Variants in TMEM134 observed in about 807,000 individuals in gnomAD.
TMEM134 encodes the protein transmembrane protein 134.
In TMEM134, 36 loss-of-function variants were observed where a neutral mutation model predicts 26.2. The observed-to-expected ratio is 1.37, with a 90% CI of 1.05 to 1.81. The LOEUF (loss-of-function observed/expected upper bound fraction) is 1.81, where lower values mean the gene tolerates loss of function less well. Ranked by LOEUF, TMEM134 falls within the 40% of genes most tolerant of loss-of-function variation. The pLI is 0.00. For missense variants in TMEM134, 339 were observed against 263.5 expected, an observed-to-expected ratio of 1.29 and a Z score of -1.98; for synonymous variants, 133 against 113.6, an observed-to-expected ratio of 1.17 and a Z score of -1.08.
rs767915421 is a variant in TMEM134 at position 67,467,295 on chromosome 11, C to T, written c.406+17G>A. The T allele has an allele frequency of 1.9e-6, 3 of 1,613,200 alleles. No individual in the cohort carries two copies. The highest frequency in any genetic ancestry group is 1.7e-5 in the Admixed American group (1 of 60,000). ...CCCACGGGGCCCCTCTTGACCCCAA[C>T]CCTCAGGGCCACTCACCCAGCCCCA... On this transcript the variant is annotated intron_variant, in intron 4 of 6. Transcript: ENST00000308022.
chr11:67,466,387 A>C (rs965397435), intron 4 of TMEM134: 5 of 152,270 alleles, frequency 3.3e-5, no homozygotes, highest in African/African-American at 1.2e-4. Context: ...ATAGGGTATG[A>C]TGGGGGCTGA....
chr11:67,467,607 C>G lies in TMEM134; in HGVS notation c.240-17G>C. 6 of 1,613,152 alleles carry G rather than the reference C, an allele frequency of 3.7e-6. No homozygotes were observed. Among genetic ancestry groups the G allele is most frequent in the Non-Finnish European group, 5.1e-6 (6 of 1,179,628 alleles). On this transcript the variant is annotated splice_polypyrimidine_tract_variant and intron_variant, in intron 2 of 6. Transcript: ENST00000308022. ...CTGGAATCCCTGCCAGGACAGGCGC[C>G]CAGTGAGGGGCAGGGAGGCAAGGAC... is the stretch of plus-strand genomic sequence containing the variant.
intron 6 of TMEM134, 47 bp downstream of exon 6, chr11:67,464,756 T>G: frequency 3.2e-6 from 5 of 1,539,230 alleles, no homozygotes; most frequent in Non-Finnish European, 4.4e-6. Flanking sequence ...CCGCCCCCAG[T>G]GCCGCCCCAC....
In TMEM134 at chr11:67,467,307, C is replaced by G; in HGVS notation, c.406+5G>C. ...CTCTTGACCCCAACCCTCAGGGCCA[C>G]TCACCCAGCCCCAGCAGCAGGAGCA... On this transcript the variant is annotated splice_donor_5th_base_variant and intron_variant, in intron 4 of 6. Transcript: ENST00000308022. 6.2e-7 allele frequency: 1 copy of G among 1,613,622 alleles called. No individual in the cohort carries two copies. Among genetic ancestry groups the G allele is most frequent in the Non-Finnish European group, 8.5e-7 (1 of 1,179,882 alleles).
intron 4 of TMEM134, chr11:67,465,372 A>C: frequency 2.4e-6 from 2 of 834,450 alleles, no homozygotes; most frequent in Non-Finnish European, 3.3e-6. Context: ...GGTACTGGGA[A>C]TTCCGCCCTG....
Position 67,464,703 on chromosome 11 carries a change from G to A in TMEM134, c.506-7C>T, listed in dbSNP as rs1865128840. 11 of 1,552,098 alleles carry A rather than the reference G, an allele frequency of 7.1e-6. No homozygotes were observed. Among genetic ancestry groups the A allele is most frequent in the Non-Finnish European group, 9.6e-6 (11 of 1,147,454 alleles). ...ATGAAGATCACGTGATAGACTGCGG[G>A]GCGGGGCCTGTCAGCGCAGAAGCCC... On this transcript the variant is annotated splice_region_variant and splice_polypyrimidine_tract_variant and intron_variant, in intron 6 of 6. Transcript: ENST00000308022.
Position 67,464,823 on chromosome 11 carries a change from A to G in TMEM134, c.485T>C (p.Phe162Ser). ...VSSAIFFVPG[F>S]LLLVPGVYHV... ...CGCACCTCCAGGCACCAACAACAGG[A>G]AGCCCGGCACGAAGAAGATGGCGCT... The change falls in exon 6 of 7, where the codon TTC (phenylalanine) becomes TCC (serine). Residue 162 changes from phenylalanine (F) to serine (S), a missense_variant. Coordinates refer to ENST00000308022, the MANE Select transcript of TMEM134 (RefSeq NM_025124.4). 6.2e-7 allele frequency: 1 copy of G among 1,609,926 alleles called. No homozygotes were observed. The highest frequency in any genetic ancestry group is 8.5e-7 in the Non-Finnish European group (1 of 1,179,330).
rs1865101342 is a variant in TMEM134 at position 67,464,346 on chromosome 11, A to C, written c.*268T>G. 2 of 544,320 alleles carry C rather than the reference A, an allele frequency of 3.7e-6. No homozygotes were observed. The highest frequency in any genetic ancestry group is 4.1e-5 in the South Asian group (2 of 49,114). 33.7% of individuals were successfully genotyped at this position (544,320 alleles called of 1,614,324 possible). A position where few individuals can be genotyped will look rare whatever the true frequency, so the allele number is the denominator to read the frequency against. On this transcript the variant is annotated 3_prime_UTR_variant, in exon 7 of 7. Coordinates refer to ENST00000308022, the MANE Select transcript of TMEM134 (RefSeq NM_025124.4). ...AGCAGTGGCAGGACAGGAGGAGAGC[A>C]ATTGCCTCTGGTGGAATTAATTACT...
chr11:67,465,652 G>C (rs1193437925), intron 4 of TMEM134, among the ~76,000 whole-genome samples: 1 of 152,188 alleles, frequency 6.6e-6, no homozygotes, highest in Non-Finnish European at 1.5e-5. Flanking sequence ...TGGGCCAGGT[G>C]TGGTGGCTCA....
intron 4 of TMEM134, chr11:67,466,192 C>T (rs934535478): frequency 6.6e-6 from 1 of 151,568 alleles, no homozygotes; most frequent in Non-Finnish European, 1.5e-5. Flanking sequence ...TAAAAAAATA[C>T]AAAAAATTAG....
At chr11:67,466,061 GACC>G (rs1865225867) in intron 4 of TMEM134, 1 of 152,178 alleles carries the variant, frequency 6.6e-6, no homozygotes, top group East Asian at 1.9e-4. Flanking sequence ...AACAGAACAA[GACC>G]CTGTCTCTAA....
At position 67,467,557 on chromosome 11, in the gene TMEM134, C is replaced by T. The variant is rs960161000; in HGVS notation, c.273G>A (p.Gln91=). The change falls in exon 3 of 7, where the codon CAG becomes CAA. Residue 91 remains glutamine (Q), a synonymous_variant. Transcript: ENST00000308022. ...TGCTGCTGATGGTGCTGAAGGACCA[C>T]TGGGAGCTGCGGATGGAAGTTCGGC... ...DSSRTSIRSS[Q]WSFSTISSST... is the part of the protein sequence containing the mutation. 6.2e-7 allele frequency: 1 copy of T among 1,614,086 alleles called. No homozygotes were observed. The highest frequency in any genetic ancestry group is 2.2e-5 in the East Asian group (1 of 44,886).
chr11:67,468,703 C>T (rs1865445809), intron 1 of TMEM134, among the ~76,000 whole-genome samples: 1 of 152,164 alleles, frequency 6.6e-6, no homozygotes, highest in Non-Finnish European at 1.5e-5. Context: ...TACAGAGGAG[C>T]TCCCCCAACC....
chr11:67,464,627 T>C lies in TMEM134; in HGVS notation c.575A>G (p.Tyr192Cys), dbSNP rs1283054528. The C allele has an allele frequency of 3.2e-6, 5 of 1,552,524 alleles. No homozygotes were observed. Among genetic ancestry groups the C allele is most frequent in the East Asian group, 4.9e-5 (2 of 41,032 alleles). ...HRGFQFFYLP[Y>C]FEK ...GCTGCGCCGCGATCACTTCTCGAAGTAGGGCAGGTAGAAGAACTGGAAGCC... is the reference window on the plus strand; with the variant it reads ...GCTGCGCCGCGATCACTTCTCGAAGCAGGGCAGGTAGAAGAACTGGAAGCC... Residue 192 changes from tyrosine (Y) to cysteine (C), a missense_variant, in exon 7 of 7, where the codon TAC (tyrosine) becomes TGC (cysteine). Tyr to Cys is a radical substitution (Grantham distance 194). Transcript: ENST00000308022.
chr11:67,467,645 G>A, intron 2 of TMEM134, 55 bp from the exon 3 acceptor site: 3 of 1,553,110 alleles, frequency 1.9e-6, no homozygotes, highest in Non-Finnish European at 1.8e-6. Context: ...GGTTGCTTTG[G>A]GACAGGAGTC....
rs1240091880 is a variant in TMEM134, at chr11:67,467,237, AGGCAGAGCCTGTACAAAAGGAG to A, written c.406+53_406+74del. 1.4e-4 allele frequency: 189 copies of A among 1,398,620 alleles called. 1 individual carries two copies. The highest frequency in any genetic ancestry group is 1.7e-4 in the Non-Finnish European group (168 of 996,220). 86.6% of individuals were successfully genotyped at this position (1,398,620 alleles called of 1,614,324 possible). On this transcript the variant is annotated intron_variant, in intron 4 of 6. Coordinates refer to ENST00000308022, the MANE Select transcript of TMEM134 (RefSeq NM_025124.4). ...GCTGGGAGGCTCAGTGTCAAGGGGG[AGGCAGAGCCTGTACAAAAGGAG>A]GGCAGAGCCTCCCACGGGGCCCCTC...
In TMEM134 at chr11:67,463,700, G is replaced by A. The variant is rs758584510; in HGVS notation, c.*914C>T. The A allele has an allele frequency of 2.0e-5, 3 of 152,098 alleles. No individual in the cohort carries two copies. The highest frequency in any genetic ancestry group is 4.4e-5 in the Non-Finnish European group (3 of 68,026). The allele number at this position is 152,098 out of a possible 1,614,324, so 9.4% of individuals were successfully genotyped here. ...AGCCACCGTGCCCGGCCATCCTGGG[G>A]TCTTTCAACAAATTGATAACTGGTA... On this transcript the variant is annotated 3_prime_UTR_variant, in exon 7 of 7. Coordinates refer to ENST00000308022, the MANE Select transcript of TMEM134 (RefSeq NM_025124.4).
rs1269780622 is a variant in TMEM134 at position 67,464,704 on chromosome 11, G to C, written c.506-8C>G. The stretch of plus-strand genomic sequence containing the variant: ...TGAAGATCACGTGATAGACTGCGGG[G>C]CGGGGCCTGTCAGCGCAGAAGCCCC... On this transcript the variant is annotated splice_region_variant and splice_polypyrimidine_tract_variant and intron_variant, in intron 6 of 6. Coordinates refer to ENST00000308022, the MANE Select transcript of TMEM134 (RefSeq NM_025124.4). The C allele has an allele frequency of 6.4e-7, 1 of 1,552,112 alleles. No individual in the cohort carries two copies. Among genetic ancestry groups the C allele is most frequent in the Admixed American group, 2.0e-5 (1 of 51,092 alleles).
chr11:67,465,687 G>A (rs570136771), intron 4 of TMEM134, among the ~76,000 whole-genome samples: 13 of 151,480 alleles, frequency 8.6e-5, no homozygotes, highest in African/African-American at 2.7e-4. Flanking sequence ...GTGCTTCAGG[G>A]AGCCAAGGCA....
Sources: allele counts gnomAD v4.1 joint callset (sites outside exome capture counted in the v4.1 genomes callset), GRCh38; gene constraint gnomAD v4.1.1; transcripts MANE v1.5; gene names NCBI Gene and HGNC (gene_info 2026-07-23, HGNC 2026-07-21).